Variants in FRMD3 observed in about 807,000 individuals in gnomAD.
FRMD3 encodes FERM domain containing 3.
A neutral mutation model predicts 70.2 loss-of-function variants in FRMD3; 33 were observed. That is an observed-to-expected ratio of 0.47 (90% confidence interval 0.36 to 0.63). FRMD3 has a LOEUF of 0.63. Ranked by LOEUF, FRMD3 falls within the 20% of genes least tolerant of loss-of-function variation. The pLI is 0.00. For synonymous variants in FRMD3, 279 were observed against 255.9 expected (o/e 1.09, Z -0.86); for missense variants, 632 against 711.4 (o/e 0.89, Z 1.27).
the FRMD3 span, among the ~76,000 whole-genome samples, chr9:83,547,320 TATA>T: frequency 2.5e-3 from 373 of 148,554 alleles, 1 homozygote; most frequent in African/African-American, 8.2e-3. Flanking sequence ...ATTATGATTA[TATA>T]ATATTATATA....
Position 83,460,018 on chromosome 9 carries a change from C to T in FRMD3, c.148-70310G>A, listed in dbSNP as rs543397137. On this transcript the variant is annotated intron_variant, in intron 1 of 13. Transcript: ENST00000304195. ...ACATTAATTCCATCGGGCAGGGCCC[C>T]ACCCTCAGGACCTCATTTAACCTTA... Among the ~76,000 whole-genome samples the T allele has an allele frequency of 3.3e-5, 5 of 152,378 alleles. No homozygotes were observed. In the South Asian group the frequency reaches 1.0e-3, roughly 32 times the overall value.
At chr9:83,272,913 C>T (rs1461940912) in intron 13 of FRMD3, among the ~76,000 whole-genome samples, 3 of 150,308 alleles carry the variant, frequency 2.0e-5, no homozygotes, top group Admixed American at 6.6e-5. Context: ...GCAGCCGCCC[C>T]GTCTGAGAAG....
intron 13 of FRMD3, among the ~76,000 whole-genome samples, chr9:83,273,807 C>T (rs1833700536): frequency 6.6e-6 from 1 of 152,012 alleles, no homozygotes; most frequent in African/African-American, 2.4e-5. Context: ...ACAAAAAAGT[C>T]ACTTGGTGTT....
At chr9:83,376,660 CA>C (rs1825156216) in intron 2 of FRMD3, among the ~76,000 whole-genome samples, 2 of 146,802 alleles carry the variant, frequency 1.4e-5, no homozygotes, top group Admixed American at 6.8e-5. Context: ...AGGCTTGTCT[CA>C]AAAGCCTGGG....
At position 83,531,460 on chromosome 9, in the gene FRMD3, T is replaced by C. The variant is rs188430953; in HGVS notation, c.147+6625A>G. 2.6e-4 allele frequency among the ~76,000 whole-genome samples: 39 copies of C among 152,330 alleles called. No individual in the cohort carries two copies. The East Asian group carries it at 6.9e-3, about 27-fold the overall frequency. ...ACATTTTTTTAGGATATACTTAATA[T>C]AAAGAGCTGGCCCATATAATATAGG... On this transcript the variant is annotated intron_variant, in intron 1 of 13. Transcript: ENST00000304195.
In FRMD3 at chr9:83,378,673, TTA is replaced by T. The variant is rs1194888424; in HGVS notation, c.253-5720_253-5719del. Among the ~76,000 whole-genome samples, 20 of 128,730 alleles carry T rather than the reference TTA, an allele frequency of 1.6e-4. 1 individual carries two copies. Among genetic ancestry groups the T allele is most frequent in the African/African-American group, 4.7e-4 (16 of 33,890 alleles). The allele number at this position is 128,730 out of a possible 152,430, so 84.5% of individuals were successfully genotyped here. Reference sequence around the variant, plus strand: ...TTATATATAATATGTATAATTTATATTATATATATAATTTATATATTATATAT... The same window carrying T: ...TTATATATAATATGTATAATTTATATTATATATAATTTATATATTATATAT... On this transcript the variant is annotated intron_variant, in intron 2 of 13. Coordinates refer to ENST00000304195, the MANE Select transcript of FRMD3 (RefSeq NM_174938.6).
intron 10 of FRMD3, 122 bp from the exon 11 acceptor site, chr9:83,299,308 C>A (rs897900141): frequency 1.1e-5 from 7 of 629,816 alleles, no homozygotes; most frequent in Non-Finnish European, 1.7e-5. Context: ...CCTTGTGACT[C>A]AGCCTGCATT....
At chr9:83,579,393 C>T in the FRMD3 span, among the ~76,000 whole-genome samples, 1 of 151,636 alleles carries the variant, frequency 6.6e-6, no homozygotes, top group Non-Finnish European at 1.5e-5. Flanking sequence ...TGTTATAAAG[C>T]TATTGTAATC....
intron 2 of FRMD3, among the ~76,000 whole-genome samples, chr9:83,373,726 C>T: frequency 6.6e-6 from 1 of 152,114 alleles, no homozygotes; most frequent in East Asian, 1.9e-4. Flanking sequence ...GGGAATGTCA[C>T]TTAGAGTCAC....
At chr9:83,398,777 G>A (rs921735457) in intron 1 of FRMD3, among the ~76,000 whole-genome samples, 6 of 152,136 alleles carry the variant, frequency 3.9e-5, no homozygotes, top group Non-Finnish European at 5.9e-5. Flanking sequence ...TATTAAAGGC[G>A]TTTTTGTGCC....
At chr9:83,572,409 T>A in the FRMD3 span, among the ~76,000 whole-genome samples, 1 of 151,764 alleles carries the variant, frequency 6.6e-6, no homozygotes, top group South Asian at 2.1e-4. Flanking sequence ...GAAAGTAGAG[T>A]ATATCAGAAC....
intron 2 of FRMD3, among the ~76,000 whole-genome samples, chr9:83,373,683 G>A (rs1472169507): frequency 6.6e-6 from 1 of 152,054 alleles, no homozygotes; most frequent in African/African-American, 2.4e-5. Flanking sequence ...CAGCTTTTGA[G>A]ATCACTAACC....
the FRMD3 span, among the ~76,000 whole-genome samples, chr9:83,565,936 G>A: frequency 1.3e-5 from 2 of 152,332 alleles, no homozygotes; most frequent in East Asian, 3.9e-4. Context: ...TGGGAAAGGA[G>A]GAGAGTCTAT....
intron 1 of FRMD3, among the ~76,000 whole-genome samples, chr9:83,516,609 G>T (rs1444450795): frequency 1.3e-5 from 2 of 152,082 alleles, no homozygotes; most frequent in Non-Finnish European, 2.9e-5. Context: ...ACTCAGCTTT[G>T]GACCAAGCGA....
the FRMD3 span, among the ~76,000 whole-genome samples, chr9:83,576,790 T>A: frequency 1.2e-3 from 184 of 152,150 alleles, no homozygotes; most frequent in Admixed American, 2.3e-3. Context: ...GGCACCCAGA[T>A]TGGAAATAAG....
At chr9:83,526,542 A>C (rs1024473846) in intron 1 of FRMD3, among the ~76,000 whole-genome samples, 9 of 152,178 alleles carry the variant, frequency 5.9e-5, no homozygotes, top group African/African-American at 2.2e-4. Context: ...ATTATTAATC[A>C]AGATTCATCT....
At chr9:83,267,777 G>A (rs12376739) in intron 13 of FRMD3, among the ~76,000 whole-genome samples, 2 of 151,818 alleles carry the variant, frequency 1.3e-5, no homozygotes, top group East Asian at 1.9e-4. Flanking sequence ...TTTTTGGGAC[G>A]AAGCCTTTGG....
intron 3 of FRMD3, among the ~76,000 whole-genome samples, chr9:83,362,703 T>A (rs569543694): frequency 2.0e-3 from 307 of 152,314 alleles, no homozygotes; most frequent in African/African-American, 7.0e-3. Flanking sequence ...TCTGTTTCTA[T>A]AGAACATGCT....
chr9:83,365,739 A>G (rs1824764258), intron 3 of FRMD3, among the ~76,000 whole-genome samples: 1 of 152,194 alleles, frequency 6.6e-6, no homozygotes, highest in South Asian at 2.1e-4. Context: ...TGAAAATTTT[A>G]CTGACATTTT....
Sources: allele counts gnomAD v4.1 joint callset (sites outside exome capture counted in the v4.1 genomes callset), GRCh38; gene constraint gnomAD v4.1.1; transcripts MANE v1.5; gene names NCBI Gene and HGNC (gene_info 2026-07-23, HGNC 2026-07-21).